CHSY1: variants seen among roughly 807,000 people sequenced by gnomAD.
The protein encoded by CHSY1 is N-acetylgalactosaminyl-proteoglycan 3-beta-glucuronosyltransferase 1.
A neutral mutation model predicts 59.8 loss-of-function variants in CHSY1; 13 were observed. That is an observed-to-expected ratio of 0.22 (90% CI 0.14 to 0.35). The LOEUF (loss-of-function observed/expected upper bound fraction) is 0.35, where lower values mean the gene tolerates loss of function less well. CHSY1 is among the 10% of genes least tolerant of loss of function. CHSY1 has a pLI of 1.00. For missense variants in CHSY1, 947 were observed against 1,030.6 expected (o/e 0.92, Z 1.11); for synonymous variants, 459 against 401.2 (o/e 1.14, Z -1.72).
At chr15:101,195,708 C>T (rs924166840) in intron 2 of CHSY1, among the ~76,000 whole-genome samples, 2 of 151,620 alleles carry the variant, frequency 1.3e-5, no homozygotes, top group Non-Finnish European at 2.9e-5. Context: ...GCCTGTAGTC[C>T]TAGCTACTCA....
At chr15:101,226,771 T>C (rs1450324830) in intron 2 of CHSY1, among the ~76,000 whole-genome samples, 2 of 152,242 alleles carry the variant, frequency 1.3e-5, no homozygotes, top group Non-Finnish European at 2.9e-5. Flanking sequence ...AATTTATTTT[T>C]GAAATGAATG....
chr15:101,226,563 G>C (rs1388833202), intron 2 of CHSY1, among the ~76,000 whole-genome samples: 1 of 151,994 alleles, frequency 6.6e-6, no homozygotes, highest in Non-Finnish European at 1.5e-5. Context: ...ATGCCATCTG[G>C]CCTTACCCTT....
At chr15:101,201,990 A>G (rs2141254582) in intron 2 of CHSY1, among the ~76,000 whole-genome samples, 1 of 152,342 alleles carries the variant, frequency 6.6e-6, no homozygotes, top group Admixed American at 6.5e-5. Context: ...TCAGCTTTCA[A>G]TCGGGGCTAA....
In CHSY1 at chr15:101,251,391, C is replaced by T; in HGVS notation, c.66G>A (p.Leu22=). The change falls in exon 1 of 3, where the codon CTG becomes CTA. Residue 22 remains leucine, a synonymous_variant. Transcript: ENST00000254190. ...VLLGLVLGFV[L]ASRLVLPRAS... ...CCCGGGGCAGGACGAGCCGCGAGGC[C>T]AGCACGAAGCCCAGGACGAGCCCGA... The T allele has an allele frequency of 1.7e-6, 2 of 1,167,888 alleles. No homozygotes were observed. Among genetic ancestry groups the T allele is most frequent in the Admixed American group, 3.1e-5 (1 of 32,308 alleles). The allele number at this position is 1,167,888 out of a possible 1,614,324, so 72.3% of individuals were successfully genotyped here.
At chr15:101,201,399 A>T (rs555153975) in intron 2 of CHSY1, among the ~76,000 whole-genome samples, 1 of 152,234 alleles carries the variant, frequency 6.6e-6, no homozygotes, top group African/African-American at 2.4e-5. Context: ...CTATAGAACA[A>T]GGTGGGGACG....
chr15:101,229,168 TATGA>T (rs2038869672), intron 2 of CHSY1, among the ~76,000 whole-genome samples: 1 of 152,128 alleles, frequency 6.6e-6, no homozygotes, highest in Non-Finnish European at 1.5e-5. Context: ...AAAACAAAGA[TATGA>T]CATACAGAAA....
chr15:101,194,586 G>A (rs2038485568), intron 2 of CHSY1, among the ~76,000 whole-genome samples: 1 of 152,092 alleles, frequency 6.6e-6, no homozygotes, highest in Non-Finnish European at 1.5e-5. Context: ...ATAATAATCA[G>A]GTGCTGAACG....
At chr15:101,193,299 G>T (rs1293248437) in intron 2 of CHSY1, among the ~76,000 whole-genome samples, 1 of 152,248 alleles carries the variant, frequency 6.6e-6, no homozygotes, top group East Asian at 1.9e-4. Flanking sequence ...GGGCAGGGCT[G>T]CAGCATCATA....
intron 2 of CHSY1, among the ~76,000 whole-genome samples, chr15:101,214,402 C>T (rs1371531671): frequency 6.6e-6 from 1 of 152,210 alleles, no homozygotes; most frequent in Non-Finnish European, 1.5e-5. Flanking sequence ...TTTAGGAAGA[C>T]ATGGACTAAA....
At chr15:101,217,222 T>C (rs886750491) in intron 2 of CHSY1, among the ~76,000 whole-genome samples, 30 of 152,210 alleles carry the variant, frequency 2.0e-4, no homozygotes, top group Non-Finnish European at 3.7e-4. Flanking sequence ...AGGTTACAGT[T>C]TAGCAAAGAA....
At chr15:101,222,752 T>C (rs2038802696) in intron 2 of CHSY1, among the ~76,000 whole-genome samples, 1 of 152,216 alleles carries the variant, frequency 6.6e-6, no homozygotes. Context: ...GGGAAGACTA[T>C]GCAGAGCTGA....
At chr15:101,182,780 C>T (rs1158643559) in intron 2 of CHSY1, among the ~76,000 whole-genome samples, 1 of 152,206 alleles carries the variant, frequency 6.6e-6, no homozygotes, top group Non-Finnish European at 1.5e-5. Flanking sequence ...ACAGCAAAGA[C>T]ACTAGTTTTA....
chr15:101,200,828 C>T (rs565749570), intron 2 of CHSY1, among the ~76,000 whole-genome samples: 15 of 152,142 alleles, frequency 9.9e-5, no homozygotes, highest in Non-Finnish European at 1.9e-4. Context: ...GGGAATAATT[C>T]GACCCACCCC....
At chr15:101,242,899 A>G (rs1481122371) in intron 1 of CHSY1, among the ~76,000 whole-genome samples, 1 of 152,206 alleles carries the variant, frequency 6.6e-6, no homozygotes, top group Non-Finnish European at 1.5e-5. Flanking sequence ...GACCTGTCCA[A>G]TCTCAAACCC....
At chr15:101,214,041 G>C (rs969912904) in intron 2 of CHSY1, among the ~76,000 whole-genome samples, 3 of 152,212 alleles carry the variant, frequency 2.0e-5, no homozygotes, top group Non-Finnish European at 2.9e-5. Flanking sequence ...AGTCCCAAGT[G>C]ACCTGGATCC....
At chr15:101,247,549 T>C (rs777371773) in intron 1 of CHSY1, among the ~76,000 whole-genome samples, 5 of 152,336 alleles carry the variant, frequency 3.3e-5, no homozygotes, top group Middle Eastern at 3.4e-3. Context: ...GGGCCATGCA[T>C]GCATGTGCTT....
Position 101,232,305 on chromosome 15 carries a change from C to T in CHSY1, c.816+2777G>A, listed in dbSNP as rs142833876. On this transcript the variant is annotated intron_variant, in intron 2 of 2. Coordinates refer to ENST00000254190, the MANE Select transcript of CHSY1 (RefSeq NM_014918.5). ...AACCTTAATGGGGAAACTAGATTTA[C>T]AGGAAGTTTAATAAAAGTTCCTCAT... Among the ~76,000 whole-genome samples the T allele has an allele frequency of 5.0e-4, 76 of 152,288 alleles. 1 individual carries two copies. In the East Asian group the frequency reaches 9.8e-3, roughly 20 times the overall value.
rs1045621086 is a variant in CHSY1 at position 101,251,415 on chromosome 15, G to A, written c.42C>T (p.Leu14=). The A allele has an allele frequency of 2.2e-5, 25 of 1,134,878 alleles. No homozygotes were observed. In the African/African-American group the frequency reaches 2.8e-4, roughly 13 times the overall value. 70.3% of individuals were successfully genotyped at this position (1,134,878 alleles called of 1,614,324 possible). A position where few individuals can be genotyped will look rare whatever the true frequency, so the allele number is the denominator to read the frequency against. Residue 14 remains leucine (L), a synonymous_variant, in exon 1 of 3, where the codon CTC becomes CTT. Coordinates refer to ENST00000254190, the MANE Select transcript of CHSY1 (RefSeq NM_014918.5). ...CCAGCACGAAGCCCAGGACGAGCCC[G>A]AGCAGCACGCTGAGCCAGGCGCGCC... is the stretch of plus-strand genomic sequence containing the variant. ...RGRRAWLSVL[L]GLVLGFVLAS...
chr15:101,177,291 T>C lies in CHSY1; in HGVS notation c.*97A>G. Reference sequence around the variant, plus strand: ...CTATGTAAGAAAACCACTTGTAAAATATATCCTTGTATACGGACTTCAAAA... The same window carrying C: ...CTATGTAAGAAAACCACTTGTAAAACATATCCTTGTATACGGACTTCAAAA... On this transcript the variant is annotated 3_prime_UTR_variant, in exon 3 of 3. Transcript: ENST00000254190. 1 of 1,176,418 alleles carries C rather than the reference T, an allele frequency of 8.5e-7. No homozygotes were observed. Among genetic ancestry groups the C allele is most frequent in the African/African-American group, 1.6e-5 (1 of 64,036 alleles). 72.9% of individuals were successfully genotyped at this position (1,176,418 alleles called of 1,614,324 possible). A position where few individuals can be genotyped will look rare whatever the true frequency, so the allele number is the denominator to read the frequency against.
Sources: gnomAD v4.1 joint callset for allele counts (sites outside exome capture counted in the v4.1 genomes callset) on GRCh38, gnomAD v4.1.1 for gene constraint, MANE v1.5 for transcripts, NCBI Gene and HGNC (gene_info 2026-07-23, HGNC 2026-07-21) for gene names.